Variants in KDM4C observed in about 807,000 individuals in gnomAD.
KDM4C encodes lysine-specific demethylase 4C.
Under a neutral mutation model 129.3 loss-of-function variants are expected in KDM4C, and 81 were observed. That is an observed-to-expected ratio of 0.63 (90% CI 0.52 to 0.75). KDM4C has a LOEUF of 0.75. KDM4C is among the 30% of genes least tolerant of loss of function. The pLI is 0.00. For missense variants in KDM4C, 1,457 were observed against 1,304.0 expected (o/e 1.12, Z -1.81); for synonymous variants, 573 against 456.1 (o/e 1.26, Z -3.26).
At chr9:6,831,132 G>C (rs1231684153) in intron 4 of KDM4C, among the ~76,000 whole-genome samples, 1 of 152,148 alleles carries the variant, frequency 6.6e-6, no homozygotes, top group Admixed American at 6.5e-5. Flanking sequence ...ACTAGTCAGT[G>C]GGGGAAGCGG....
intron 5 of KDM4C, among the ~76,000 whole-genome samples, chr9:6,864,460 T>C (rs1200962409): frequency 6.6e-6 from 1 of 152,164 alleles, no homozygotes; most frequent in Non-Finnish European, 1.5e-5. Flanking sequence ...TTTGAGAAAT[T>C]TATTATATGC....
intron 2 of KDM4C, among the ~76,000 whole-genome samples, chr9:6,804,711 A>G (rs1829643743): frequency 6.7e-6 from 1 of 150,294 alleles, no homozygotes; most frequent in Non-Finnish European, 1.5e-5. Flanking sequence ...GTGAGCTGAG[A>G]TCGTGCCACT....
rs1053936790 is a variant in KDM4C, at chr9:7,084,315, C to A, written c.2425-19370C>A. Among the ~76,000 whole-genome samples, 3 of 152,146 alleles carry A rather than the reference C, an allele frequency of 2.0e-5. No individual in the cohort carries two copies. In the East Asian group the frequency reaches 5.8e-4, roughly 29 times the overall value. ...CTCTCAGCCTGGGTCCTAGCTTAAGCAAGACCTGGAGCAGAGCCACAACCA... is the reference window on the plus strand; with the variant it reads ...CTCTCAGCCTGGGTCCTAGCTTAAGAAAGACCTGGAGCAGAGCCACAACCA... On this transcript the variant is annotated intron_variant, in intron 17 of 21. Coordinates refer to ENST00000381309, the MANE Select transcript of KDM4C (RefSeq NM_015061.6).
In KDM4C at chr9:7,033,299, G is replaced by A. The variant is rs1023339499; in HGVS notation, c.2260-13563G>A. 2.6e-5 allele frequency among the ~76,000 whole-genome samples: 4 copies of A among 152,276 alleles called. No individual in the cohort carries two copies. The South Asian group carries it at 6.2e-4, about 24-fold the overall frequency. On this transcript the variant is annotated intron_variant, in intron 15 of 21. Transcript: ENST00000381309. ...AAAGGCAGGACATTCACCATTGGGC[G>A]GGTAGCCAAGTGGTTGCTTTTGCTA... is the stretch of plus-strand genomic sequence containing the variant.
intron 17 of KDM4C, among the ~76,000 whole-genome samples, chr9:7,087,089 C>CT (rs56161284): frequency 0.76 from 109,908 of 145,460 alleles, 41,443 homozygotes; most frequent in Admixed American, 0.8. Context: ...TTACGTGGCT[C>CT]TTTTTTTTTT....
intron 4 of KDM4C, among the ~76,000 whole-genome samples, chr9:6,839,499 C>G (rs2129771729): frequency 6.6e-6 from 1 of 151,790 alleles, no homozygotes; most frequent in Non-Finnish European, 1.5e-5. Context: ...CTCGGCCTCC[C>G]AAAATGCTGG....
intron 4 of KDM4C, among the ~76,000 whole-genome samples, chr9:6,833,220 A>T (rs373938749): frequency 6.6e-6 from 1 of 152,198 alleles, no homozygotes; most frequent in East Asian, 1.9e-4. Flanking sequence ...ATGTAAAATA[A>T]AATTAATATT....
At chr9:6,853,756 A>C (rs1389070123) in intron 5 of KDM4C, among the ~76,000 whole-genome samples, 1 of 152,308 alleles carries the variant, frequency 6.6e-6, no homozygotes, top group East Asian at 1.9e-4. Context: ...AGTCAGTGGT[A>C]AAGTATTATT....
intron 5 of KDM4C, among the ~76,000 whole-genome samples, chr9:6,854,267 G>A (rs979728894): frequency 1.3e-5 from 2 of 151,964 alleles, no homozygotes; most frequent in Admixed American, 6.6e-5. Flanking sequence ...GGTGGCTCAC[G>A]CCTGTAATCC....
At chr9:6,752,948 A>G (rs529232210), upstream of KDM4C, among the ~76,000 whole-genome samples, 8 of 152,136 alleles carry the variant, frequency 5.3e-5, no homozygotes, top group Non-Finnish European at 1.0e-4. Flanking sequence ...GCACTCTATG[A>G]TCATTAATGG....
intron 8 of KDM4C, among the ~76,000 whole-genome samples, chr9:6,929,873 G>A (rs1358063182): frequency 1.3e-5 from 2 of 152,128 alleles, no homozygotes; most frequent in East Asian, 1.9e-4. Flanking sequence ...CAAAATAGAC[G>A]ATTTCTACAA....
intron 4 of KDM4C, among the ~76,000 whole-genome samples, chr9:6,832,334 C>T (rs1255010414): frequency 1.5e-4 from 22 of 144,682 alleles, no homozygotes; most frequent in South Asian, 2.2e-4. Context: ...AGTGAGACTC[C>T]GTCTCAAAAA....
chr9:6,737,050 C>CAAAAA (rs566235532), intron 1 of KDM4C, among the ~76,000 whole-genome samples: 3 of 36,384 alleles, frequency 8.2e-5, no homozygotes, highest in Admixed American at 3.2e-4. Flanking sequence ...GATTCTGTCT[C>CAAAAA]AAAAAAAAAA....
chr9:6,905,920 G>T (rs987902171), intron 8 of KDM4C, among the ~76,000 whole-genome samples: 4 of 152,084 alleles, frequency 2.6e-5, no homozygotes, highest in Non-Finnish European at 5.9e-5. Flanking sequence ...TGGCCTCTGT[G>T]TAAACGAAGA....
chr9:6,954,826 T>G (rs1828786038), intron 8 of KDM4C, among the ~76,000 whole-genome samples: 1 of 152,196 alleles, frequency 6.6e-6, no homozygotes, highest in Non-Finnish European at 1.5e-5. Context: ...GGTTTTAGTA[T>G]TTGGCAAATT....
At position 6,801,641 on chromosome 9, in the gene KDM4C, GTCTC is replaced by G. The variant is rs752049998; in HGVS notation, c.145-3942_145-3939del. 2.3e-3 allele frequency among the ~76,000 whole-genome samples: 308 copies of G among 133,164 alleles called. 6 individuals carry two copies. In the East Asian group the frequency reaches 0.042, roughly 18 times the overall value. The allele number at this position is 133,164 out of a possible 152,430, so 87.4% of individuals were successfully genotyped here. The stretch of plus-strand genomic sequence containing the variant: ...ATGCTCTCTCTCTCTCTCTCTCTCT[GTCTC>G]TCTCTCTCTCTCTCTGTATATGCCT... On this transcript the variant is annotated intron_variant, in intron 2 of 21. Coordinates refer to ENST00000381309, the MANE Select transcript of KDM4C (RefSeq NM_015061.6).
chr9:6,918,305 G>C (rs1820704504), intron 8 of KDM4C, among the ~76,000 whole-genome samples: 1 of 152,124 alleles, frequency 6.6e-6, no homozygotes, highest in Non-Finnish European at 1.5e-5. Context: ...AATTTTCTTA[G>C]GATAACGGCC....
chr9:7,047,051 A>T, intron 16 of KDM4C, 134 bp downstream of exon 16: 1 of 646,068 alleles, frequency 1.5e-6, no homozygotes, highest in South Asian at 2.0e-5. Flanking sequence ...TGAGGTTGGA[A>T]TTCTGTGCTT....
chr9:7,038,960 A>G (rs1204517460), intron 15 of KDM4C, among the ~76,000 whole-genome samples: 1 of 151,966 alleles, frequency 6.6e-6, no homozygotes, highest in African/African-American at 2.4e-5. Context: ...CCAGAAAACA[A>G]TTTTTGATAT....
Sources: gnomAD v4.1 joint callset for allele counts (sites outside exome capture counted in the v4.1 genomes callset) on GRCh38, gnomAD v4.1.1 for gene constraint, MANE v1.5 for transcripts, NCBI Gene and HGNC (gene_info 2026-07-23, HGNC 2026-07-21) for gene names.